ARHGAP32: variants seen among roughly 807,000 people sequenced by gnomAD.
ARHGAP32 encodes the protein Rho GTPase activating protein 32, also known as rho GTPase-activating protein 32.
In ARHGAP32, 51 loss-of-function variants were observed where a neutral mutation model predicts 186.5. The observed-to-expected ratio is 0.27, with a 90% CI of 0.22 to 0.35. The LOEUF is 0.35. Among genes scored for constraint, ARHGAP32 ranks in the 10% least tolerant of loss-of-function variants. The pLI is 1.00. For synonymous variants in ARHGAP32, 950 were observed against 964.3 expected (o/e 0.99, Z 0.27); for missense variants, 2,186 against 2,623.5 (o/e 0.83, Z 3.64).
Position 129,108,771 on chromosome 11 carries a change from G to A in ARHGAP32, c.444+14675C>T, listed in dbSNP as rs1591621929. ...TTTTCACTGTCTTGATAGTGTCTTTGAATGCACAATTTTTAAATTGATACA... is the reference window on the plus strand; with the variant it reads ...TTTTCACTGTCTTGATAGTGTCTTTAAATGCACAATTTTTAAATTGATACA... On this transcript the variant is annotated intron_variant, in intron 5 of 22. Transcript: ENST00000682385. Among the ~76,000 whole-genome samples, 3 of 152,184 alleles carry A rather than the reference G, an allele frequency of 2.0e-5. No homozygotes were observed. The South Asian group carries it at 6.2e-4, about 32-fold the overall frequency.
intron 11 of ARHGAP32, among the ~76,000 whole-genome samples, chr11:129,020,083 G>A (rs986856177): frequency 6.6e-6 from 1 of 151,990 alleles, no homozygotes; most frequent in Admixed American, 6.6e-5. Context: ...TGTATGAAGT[G>A]TCAATAGCAT....
rs1039135122 is a variant in ARHGAP32 at position 129,244,685 on chromosome 11, C to T, written c.-5+34461G>A. Among the ~76,000 whole-genome samples, 772 of 151,762 alleles carry T rather than the reference C, an allele frequency of 5.1e-3. 16 individuals carry two copies. The highest frequency in any genetic ancestry group is 0.017 in the African/African-American group (720 of 41,392). On this transcript the variant is annotated intron_variant, in intron 1 of 6. Coordinates refer to the ARHGAP32 transcript ENST00000525234. ...AACCTACAAAATGGGAGAAAATTTTCGCAACCTACTCATCTGACAAAGGGC... is the reference window on the plus strand; with the variant it reads ...AACCTACAAAATGGGAGAAAATTTTTGCAACCTACTCATCTGACAAAGGGC...
chr11:129,145,200 T>C (rs1024824201), intron 2 of ARHGAP32, among the ~76,000 whole-genome samples: 6 of 152,110 alleles, frequency 3.9e-5, no homozygotes, highest in Non-Finnish European at 8.8e-5. Flanking sequence ...ACAGGTACTT[T>C]ATTATGGTAA....
chr11:129,076,112 A>G lies in ARHGAP32; in HGVS notation c.532-9244T>C, dbSNP rs144559168. ...GCTAAAAGACACTCCCACCAGCACC[A>G]CAACAGTTTACAAATGAGATAACAA... is the stretch of plus-strand genomic sequence containing the variant. On this transcript the variant is annotated intron_variant, in intron 6 of 22. Transcript: ENST00000682385. Among the ~76,000 whole-genome samples the G allele has an allele frequency of 4.0e-4, 61 of 152,314 alleles. No individual in the cohort carries two copies. In the East Asian group the frequency reaches 0.011, roughly 28 times the overall value.
At chr11:129,250,631 A>T (rs1945169032) in intron 1 of ARHGAP32, among the ~76,000 whole-genome samples, 1 of 152,176 alleles carries the variant, frequency 6.6e-6, no homozygotes, top group South Asian at 2.1e-4. Context: ...TCCTCCTACC[A>T]TCCAAAGTGA....
intron 2 of ARHGAP32, among the ~76,000 whole-genome samples, chr11:129,135,482 C>A (rs138149407): frequency 0.015 from 2,354 of 152,242 alleles, 27 homozygotes; most frequent in South Asian, 0.033. Flanking sequence ...TAAAAATGAA[C>A]GCTGGCCGGG....
chr11:129,230,082 T>C (rs114405768), intron 1 of ARHGAP32, among the ~76,000 whole-genome samples: 3,394 of 152,286 alleles, frequency 0.022, 71 homozygotes, highest in African/African-American at 0.051. Flanking sequence ...CCCAAAGTGC[T>C]GATTACAAGC....
At chr11:129,086,580 G>C (rs1012915060) in intron 6 of ARHGAP32, among the ~76,000 whole-genome samples, 1 of 152,106 alleles carries the variant, frequency 6.6e-6, no homozygotes, top group South Asian at 2.1e-4. Flanking sequence ...CCAGCACTTT[G>C]GGAGGCCAAG....
chr11:129,077,670 G>A (rs1310231276), intron 6 of ARHGAP32, among the ~76,000 whole-genome samples: 3 of 151,908 alleles, frequency 2.0e-5, no homozygotes, highest in African/African-American at 4.8e-5. Context: ...TCCGCCTAAC[G>A]CTACCCCCAC....
At chr11:129,189,447 A>T (rs1045929830) in intron 1 of ARHGAP32, among the ~76,000 whole-genome samples, 1 of 152,210 alleles carries the variant, frequency 6.6e-6, no homozygotes, top group Non-Finnish European at 1.5e-5. Context: ...ACAATTTCTA[A>T]GTAAAGTTTT....
At chr11:129,078,911 A>T (rs1370672405) in intron 6 of ARHGAP32, among the ~76,000 whole-genome samples, 1 of 148,364 alleles carries the variant, frequency 6.7e-6, no homozygotes, top group African/African-American at 2.5e-5. Context: ...TAACATAAAT[A>T]AAAAAAAAAA....
At position 129,009,538 on chromosome 11, in the gene ARHGAP32, CCATGTGTT is replaced by C. The variant is rs375611108; in HGVS notation, c.1046-11078_1046-11071del. ...ACTGTGTGTTGTTCCCCCCATGCAT[CCATGTGTT>C]CTCATTGTTCAGCTCCCACTTATAA... On this transcript the variant is annotated intron_variant, in intron 11 of 22. Transcript: ENST00000682385. Among the ~76,000 whole-genome samples, 205 of 152,284 alleles carry C rather than the reference CCATGTGTT, an allele frequency of 1.3e-3. 3 individuals carry two copies. Among genetic ancestry groups the C allele is most frequent in the African/African-American group, 4.7e-3 (194 of 41,560 alleles).
At chr11:129,042,424 A>G (rs576008986) in intron 10 of ARHGAP32, among the ~76,000 whole-genome samples, 1 of 152,210 alleles carries the variant, frequency 6.6e-6, no homozygotes, top group African/African-American at 2.4e-5. Flanking sequence ...ATGATGCTTT[A>G]GGTATTTGTT....
At chr11:129,037,207 T>C (rs1939380258) in intron 11 of ARHGAP32, among the ~76,000 whole-genome samples, 2 of 152,204 alleles carry the variant, frequency 1.3e-5, no homozygotes, top group Non-Finnish European at 1.5e-5. Flanking sequence ...TTAAAGAATG[T>C]CTAGACTGAC....
intron 10 of ARHGAP32, among the ~76,000 whole-genome samples, chr11:129,061,566 C>T (rs1940505189): frequency 2.6e-5 from 4 of 152,156 alleles, no homozygotes; most frequent in Admixed American, 2.6e-4. Flanking sequence ...CTTAATACCT[C>T]AACAGTCAAC....
rs1945353867 is a variant in ARHGAP32 at position 128,971,046 on chromosome 11, A to G, written c.4167T>C (p.Ala1389=). The G allele has an allele frequency of 6.2e-7, 1 of 1,614,098 alleles. No individual in the cohort carries two copies. ...CAGGCAGGCCTGGCTGGACAGCTGTAGCCATGGGACACTGAGCAGCAGCAG... is the reference window on the plus strand; with the variant it reads ...CAGGCAGGCCTGGCTGGACAGCTGTGGCCATGGGACACTGAGCAGCAGCAG... ...SGAAAAQCPM[A]TAVQPGLPEK... is the part of the protein sequence containing the mutation. Residue 1389 remains alanine (A), a synonymous_variant, in exon 23 of 23, where the codon GCT becomes GCC. Coordinates refer to ENST00000682385, the MANE Select transcript of ARHGAP32 (RefSeq NM_001378024.1).
intron 1 of ARHGAP32, among the ~76,000 whole-genome samples, chr11:129,199,406 C>A (rs1253440485): frequency 1.3e-5 from 2 of 152,238 alleles, no homozygotes; most frequent in Non-Finnish European, 2.9e-5. Flanking sequence ...ATGGGCCAGG[C>A]CCAGGGCCCC....
At chr11:129,215,599 T>TTTA in intron 1 of ARHGAP32, among the ~76,000 whole-genome samples, 1 of 152,260 alleles carries the variant, frequency 6.6e-6, no homozygotes, top group South Asian at 2.1e-4. Flanking sequence ...ATTCCTTGGC[T>TTTA]CATGACCCCT....
At chr11:129,259,505 T>C (rs1255897052) in intron 1 of ARHGAP32, among the ~76,000 whole-genome samples, 2 of 152,100 alleles carry the variant, frequency 1.3e-5, no homozygotes. Flanking sequence ...CATTTATTAC[T>C]TCACTCATTC....
Sources: gnomAD v4.1 joint callset for allele counts (sites outside exome capture counted in the v4.1 genomes callset) on GRCh38, gnomAD v4.1.1 for gene constraint, MANE v1.5 for transcripts, NCBI Gene and HGNC (gene_info 2026-07-23, HGNC 2026-07-21) for gene names.